GSK3B: variants seen among roughly 807,000 people sequenced by gnomAD.
The protein encoded by GSK3B is glycogen synthase kinase 3 beta.
Under a neutral mutation model 56.4 loss-of-function variants are expected in GSK3B, and 15 were observed. The ratio of observed to expected loss-of-function variants is 0.27; its 90% CI spans 0.18 to 0.41. The LOEUF (loss-of-function observed/expected upper bound fraction) is 0.41. GSK3B is among the 10% of genes least tolerant of loss of function. GSK3B has a pLI of 1.00. For synonymous variants in GSK3B, 181 were observed against 188.9 expected (o/e 0.96, Z 0.34); for missense variants, 300 against 513.4 (o/e 0.58, Z 4.02).
chr3:119,971,858 G>A (rs978352660), intron 2 of GSK3B, among the ~76,000 whole-genome samples: 19 of 151,654 alleles, frequency 1.3e-4, no homozygotes, highest in South Asian at 2.1e-4. Context: ...TGATCCGCCC[G>A]CCTCGGCCTC....
chr3:119,947,064 G>A (rs1197993037), intron 3 of GSK3B, among the ~76,000 whole-genome samples: 1 of 151,838 alleles, frequency 6.6e-6, no homozygotes, highest in Non-Finnish European at 1.5e-5. Context: ...ATTCTTAAAA[G>A]TGCATTCCCT....
intron 9 of GSK3B, among the ~76,000 whole-genome samples, chr3:119,858,139 TG>T (rs1333524480): frequency 1.3e-5 from 2 of 152,182 alleles, no homozygotes; most frequent in African/African-American, 4.8e-5. Context: ...CTAGGATTTT[TG>T]GAACGGTAAA....
intron 8 of GSK3B, among the ~76,000 whole-genome samples, chr3:119,868,419 C>A (rs1285542058): frequency 6.6e-6 from 1 of 152,174 alleles, no homozygotes; most frequent in Admixed American, 6.5e-5. Flanking sequence ...TAAAAAATGA[C>A]AGAGGCAATT....
At chr3:120,006,677 C>A (rs987707429) in intron 1 of GSK3B, among the ~76,000 whole-genome samples, 2 of 151,992 alleles carry the variant, frequency 1.3e-5, no homozygotes, top group African/African-American at 4.8e-5. Flanking sequence ...TGGTAAATAA[C>A]GAAATTAAGA....
intron 2 of GSK3B, among the ~76,000 whole-genome samples, chr3:119,981,366 T>C (rs2057460020): frequency 6.6e-6 from 1 of 152,128 alleles, no homozygotes; most frequent in African/African-American, 2.4e-5. Flanking sequence ...GTGCAGCCCA[T>C]GGAGGGCAAG....
At position 119,870,559 on chromosome 3, in the gene GSK3B, C is replaced by G. The variant is rs554512020; in HGVS notation, c.909+5854G>C. ...TCCTTTCACATTTGGATTAGCCACC[C>G]TAAAAGCTGGATTTTAATGTGGGTT... On this transcript the variant is annotated intron_variant, in intron 8 of 10. Transcript: ENST00000264235. Among the ~76,000 whole-genome samples, 560 of 152,104 alleles carry G rather than the reference C, an allele frequency of 3.7e-3. 4 individuals carry two copies. Among genetic ancestry groups the G allele is most frequent in the Middle Eastern group, 6.8e-3 (2 of 294 alleles).
At position 120,000,160 on chromosome 3, in the gene GSK3B, T is replaced by C. The variant is rs551119134; in HGVS notation, c.282+1886A>G. ...GTATGAGGAAAAAAGAAAATCAAGT[T>C]AAACAATGACTGGATATTAGGGATG... On this transcript the variant is annotated intron_variant, in intron 2 of 10. Transcript: ENST00000264235. Among the ~76,000 whole-genome samples, 55 of 152,160 alleles carry C rather than the reference T, an allele frequency of 3.6e-4. 1 individual carries two copies. The highest frequency in any genetic ancestry group is 3.3e-4 in the Admixed American group (5 of 15,268).
At chr3:120,027,359 T>C (rs1380148306) in intron 1 of GSK3B, among the ~76,000 whole-genome samples, 1 of 147,978 alleles carries the variant, frequency 6.8e-6, no homozygotes, top group East Asian at 2.0e-4. Context: ...CCTGGGTGAC[T>C]GAGCGAGACT....
chr3:119,892,285 TCTC>T (rs10576080), intron 7 of GSK3B, among the ~76,000 whole-genome samples: 2,628 of 152,278 alleles, frequency 0.017, 75 homozygotes, highest in African/African-American at 0.06. Flanking sequence ...GCTCCAGTCT[TCTC>T]CTTCCTGGTA....
chr3:119,876,391 C>T (rs1387440261), intron 8 of GSK3B, 22 bp downstream of exon 8: 1 of 1,316,966 alleles, frequency 7.6e-7, no homozygotes, highest in Non-Finnish European at 1.1e-6. Context: ...GATTAATATA[C>T]TTAAAAAAAA....
At chr3:120,052,919 T>A (rs925520633) in intron 1 of GSK3B, among the ~76,000 whole-genome samples, 4 of 152,216 alleles carry the variant, frequency 2.6e-5, no homozygotes, top group Admixed American at 2.6e-4. Flanking sequence ...AACTTAAAGA[T>A]GAAGAAAGCT....
chr3:119,987,234 A>C (rs9847101), intron 2 of GSK3B, among the ~76,000 whole-genome samples: 35,348 of 152,130 alleles, frequency 0.23, 5,127 homozygotes, highest in Non-Finnish European at 0.32. Flanking sequence ...GTAAATGATG[A>C]GTTGATGGGT....
At chr3:119,968,934 A>T (rs1016937790) in intron 2 of GSK3B, among the ~76,000 whole-genome samples, 1 of 152,224 alleles carries the variant, frequency 6.6e-6, no homozygotes, top group Non-Finnish European at 1.5e-5. Flanking sequence ...ATTAAAATTA[A>T]AACATAATAA....
intron 1 of GSK3B, among the ~76,000 whole-genome samples, chr3:120,027,135 G>C (rs888709675): frequency 2.6e-5 from 4 of 151,622 alleles, no homozygotes; most frequent in Admixed American, 1.3e-4. Flanking sequence ...AGCACTTTGG[G>C]AGGCCAAGAC....
At chr3:119,996,916 T>C (rs2057623732) in intron 2 of GSK3B, among the ~76,000 whole-genome samples, 2 of 151,894 alleles carry the variant, frequency 1.3e-5, no homozygotes, top group African/African-American at 4.8e-5. Context: ...AAAATCACAA[T>C]GTTAAAACAC....
chr3:120,008,897 G>C (rs1430094301), intron 1 of GSK3B, among the ~76,000 whole-genome samples: 2 of 150,252 alleles, frequency 1.3e-5, no homozygotes, highest in African/African-American at 4.9e-5. Flanking sequence ...CACAGCAAAA[G>C]AAACAGAATG....
At chr3:120,086,246 A>G (rs73177907) in intron 1 of GSK3B, among the ~76,000 whole-genome samples, 13,099 of 152,078 alleles carry the variant, frequency 0.086, 698 homozygotes, top group Non-Finnish European at 0.12. Context: ...ATCAGATAAA[A>G]CTCTGCTGCT....
intron 2 of GSK3B, among the ~76,000 whole-genome samples, chr3:119,963,674 G>GA (rs2057294404): frequency 7.9e-6 from 1 of 126,714 alleles, no homozygotes; most frequent in East Asian, 2.3e-4. Context: ...GAAAGAAAAA[G>GA]AAAAAAAACA....
Position 119,916,020 on chromosome 3 carries a change from G to A in GSK3B, c.608+24C>T, listed in dbSNP as rs199814059. 34 of 1,574,736 alleles carry A rather than the reference G, an allele frequency of 2.2e-5. No individual in the cohort carries two copies. In the South Asian group the frequency reaches 3.2e-4, roughly 15 times the overall value. On this transcript the variant is annotated intron_variant, in intron 5 of 10. Transcript: ENST00000264235. The stretch of plus-strand genomic sequence containing the variant: ...GGGGGAGGAGGGGAAAAGGGAAGGG[G>A]CAGGGAGAGGGACAGTAGCTTACCT...
Sources: gnomAD v4.1 joint callset for allele counts (sites outside exome capture counted in the v4.1 genomes callset) on GRCh38, gnomAD v4.1.1 for gene constraint, MANE v1.5 for transcripts, NCBI Gene and HGNC (gene_info 2026-07-23, HGNC 2026-07-21) for gene names.